The following COL22A1 variants were observed in gnomAD, a reference collection of about 807,000 sequenced individuals.
COL22A1 encodes the protein collagen type XXII alpha 1 chain, also known as collagen alpha-1(XXII) chain.
A neutral mutation model predicts 248.9 loss-of-function variants in COL22A1; 221 were observed. The ratio of observed to expected loss-of-function variants is 0.89; its 90% CI spans 0.80 to 0.99. COL22A1 has a LOEUF of 0.99. Among genes scored for constraint, COL22A1 ranks in the 50% least tolerant of loss-of-function variants. The probability of loss-of-function intolerance (pLI) is 0.00; values close to 1 mark genes in which losing one functional copy is unlikely to be tolerated. For synonymous variants in COL22A1, 891 were observed against 793.4 expected (o/e 1.12, Z -2.07); for missense variants, 2,240 against 2,179.0 (o/e 1.03, Z -0.56).
At chr8:138,833,411 G>A (rs1215768228) in intron 4 of COL22A1, among the ~76,000 whole-genome samples, 5 of 152,234 alleles carry the variant, frequency 3.3e-5, no homozygotes, top group Admixed American at 6.5e-5. Flanking sequence ...GTGTGCATGT[G>A]GTTAAGCGTG....
intron 30 of COL22A1, 130 bp downstream of exon 30, chr8:138,715,550 CAG>C (rs1489360224): frequency 1.6e-5 from 10 of 627,936 alleles, no homozygotes; most frequent in African/African-American, 1.4e-4. Context: ...GCTTGGATGA[CAG>C]AGAGAGACTC....
At chr8:138,590,321 T>C (rs1235619245) in intron 64 of COL22A1, among the ~76,000 whole-genome samples, 1 of 152,230 alleles carries the variant, frequency 6.6e-6, no homozygotes, top group Non-Finnish European at 1.5e-5. Context: ...GTAATAGCTA[T>C]TTAATCTATA....
At chr8:138,892,370 A>G (rs1825127024) in intron 1 of COL22A1, among the ~76,000 whole-genome samples, 1 of 152,202 alleles carries the variant, frequency 6.6e-6, no homozygotes. Context: ...CTACTCTATC[A>G]GGGGGTATGG....
intron 23 of COL22A1, among the ~76,000 whole-genome samples, chr8:138,727,070 G>A (rs1194303309): frequency 1.3e-5 from 2 of 152,066 alleles, no homozygotes. Context: ...TAGTCCTCAC[G>A]CAGGGACCCG....
intron 6 of COL22A1, 103 bp from the exon 7 acceptor site, chr8:138,821,514 A>G: frequency 8.3e-7 from 1 of 1,204,418 alleles, no homozygotes. Flanking sequence ...ATCCTGAGTC[A>G]ATCCTGGCTG....
intron 16 of COL22A1, among the ~76,000 whole-genome samples, chr8:138,766,985 G>C (rs12546880): frequency 0.56 from 84,728 of 152,124 alleles, 25,547 homozygotes; most frequent in East Asian, 0.84. Flanking sequence ...CGGGCTCCGG[G>C]GTAGAGGGGA....
chr8:138,838,460 T>A (rs935402294), intron 4 of COL22A1, among the ~76,000 whole-genome samples: 1 of 152,098 alleles, frequency 6.6e-6, no homozygotes, highest in Non-Finnish European at 1.5e-5. Flanking sequence ...CACAGCACCA[T>A]CAAACACCAC....
chr8:138,861,595 CCT>C (rs1459125242), intron 3 of COL22A1, among the ~76,000 whole-genome samples: 14 of 152,208 alleles, frequency 9.2e-5, no homozygotes, highest in Non-Finnish European at 4.4e-5. Flanking sequence ...GCCTCCTTCC[CCT>C]CTCTCTTGCT....
intron 35 of COL22A1, among the ~76,000 whole-genome samples, chr8:138,692,542 G>T (rs976056011): frequency 6.7e-6 from 1 of 150,150 alleles, no homozygotes; most frequent in African/African-American, 2.5e-5. Context: ...GTAAGAAGTG[G>T]ATTTGAACTA....
intron 3 of COL22A1, among the ~76,000 whole-genome samples, chr8:138,849,773 G>A (rs1586885668): frequency 6.6e-6 from 1 of 152,208 alleles, no homozygotes; most frequent in South Asian, 2.1e-4. Flanking sequence ...GAGAGGTTAA[G>A]TAATTTACCC....
intron 44 of COL22A1, among the ~76,000 whole-genome samples, chr8:138,658,772 A>T (rs1019586787): frequency 3.3e-5 from 5 of 152,154 alleles, no homozygotes; most frequent in African/African-American, 1.2e-4. Flanking sequence ...TGAGACAACC[A>T]TGCCTTATCT....
At chr8:138,694,757 T>C in intron 33 of COL22A1, 69 bp downstream of exon 33, 1 of 1,563,644 alleles carries the variant, frequency 6.4e-7, no homozygotes, top group Non-Finnish European at 8.8e-7. Flanking sequence ...GATCTACAGC[T>C]GGTCAGCCTT....
chr8:138,749,693 C>A (rs1420599976), intron 22 of COL22A1, among the ~76,000 whole-genome samples: 1 of 152,204 alleles, frequency 6.6e-6, no homozygotes, highest in Non-Finnish European at 1.5e-5. Context: ...GACCAGGTAA[C>A]TTGCAAGGGT....
At chr8:138,619,565 T>G in intron 52 of COL22A1, 57 bp from the exon 53 acceptor site, 1 of 1,519,564 alleles carries the variant, frequency 6.6e-7, no homozygotes, top group African/African-American at 1.4e-5. Flanking sequence ...ATCTTCCTAT[T>G]CCTGGCTCTC....
intron 17 of COL22A1, among the ~76,000 whole-genome samples, chr8:138,762,079 T>G (rs1411289992): frequency 6.6e-6 from 1 of 152,222 alleles, no homozygotes. Flanking sequence ...TGGGGCTGTC[T>G]TGAATCCTTC....
At chr8:138,898,665 G>C (rs1478732933) in intron 1 of COL22A1, among the ~76,000 whole-genome samples, 1 of 152,126 alleles carries the variant, frequency 6.6e-6, no homozygotes, top group Non-Finnish European at 1.5e-5. Context: ...GCTACCCTGA[G>C]GCCCCTGAAG....
intron 20 of COL22A1, 49 bp downstream of exon 20, chr8:138,755,433 T>A: frequency 6.3e-7 from 1 of 1,588,678 alleles, no homozygotes. Context: ...CTTTTCTGTT[T>A]CTGCTGTGAC....
chr8:138,804,629 TG>T (rs1176470159), intron 10 of COL22A1, among the ~76,000 whole-genome samples: 1 of 152,118 alleles, frequency 6.6e-6, no homozygotes, highest in African/African-American at 2.4e-5. Context: ...AGCTGGCACC[TG>T]GGCTGAGCCG....
Position 138,685,299 on chromosome 8 carries a change from TC to T in COL22A1, c.2875del (p.Glu959LysfsTer43). 6.2e-7 allele frequency: 1 copy of T among 1,613,704 alleles called. No individual in the cohort carries two copies. Among genetic ancestry groups the T allele is most frequent in the Non-Finnish European group, 8.5e-7 (1 of 1,179,832 alleles). On this transcript the variant is annotated frameshift_variant, in exon 38 of 65. Coordinates refer to ENST00000303045, the MANE Select transcript of COL22A1 (RefSeq NM_152888.3). LOFTEE classifies it high-confidence loss of function. ...GERGEKGAAG[E>X]EGSPGPVGPR... ...ACCAACTGGCCCTGGGCTGCCTTCT[TC>T]CCCCGCTGCACCCTGGAAAGAAAAG...
Sources: gnomAD v4.1 joint callset for allele counts (sites outside exome capture counted in the v4.1 genomes callset) on GRCh38, gnomAD v4.1.1 for gene constraint, MANE v1.5 for transcripts, NCBI Gene and HGNC (gene_info 2026-07-23, HGNC 2026-07-21) for gene names.